TMX4: variants seen among roughly 807,000 people sequenced by gnomAD.
TMX4 encodes thioredoxin-related transmembrane protein 4.
A neutral mutation model predicts 33.3 loss-of-function variants in TMX4; 23 were observed. The ratio of observed to expected loss-of-function variants is 0.69; its 90% CI spans 0.50 to 0.98. The LOEUF is 0.98. Ranked by LOEUF, TMX4 falls within the 50% of genes least tolerant of loss-of-function variation. The pLI is 0.00. For synonymous variants in TMX4, 164 were observed against 161.5 expected (o/e 1.02, Z -0.12); for missense variants, 399 against 448.9 (o/e 0.89, Z 1.01).
At chr20:8,004,729 T>C (rs6055456) in intron 2 of TMX4, among the ~76,000 whole-genome samples, 2,414 of 152,334 alleles carry the variant, frequency 0.016, 76 homozygotes, top group African/African-American at 0.056. Flanking sequence ...AGGTTCAGTA[T>C]TAAGAAAACA....
At chr20:7,994,409 G>A (rs1308423368) in intron 5 of TMX4, among the ~76,000 whole-genome samples, 1 of 152,056 alleles carries the variant, frequency 6.6e-6, no homozygotes, top group African/African-American at 2.4e-5. Flanking sequence ...CCCACTCCTG[G>A]CCTTGACACA....
rs967426523 is a variant in TMX4 at position 7,977,785 on chromosome 20, T to C, written c.*4466A>G. 5 of 152,192 alleles carry C rather than the reference T, an allele frequency of 3.3e-5. No homozygotes were observed. The highest frequency in any genetic ancestry group is 1.2e-4 in the African/African-American group (5 of 41,444). 9.4% of individuals were successfully genotyped at this position (152,192 alleles called of 1,614,324 possible). On this transcript the variant is annotated 3_prime_UTR_variant, in exon 8 of 8. Transcript: ENST00000246024. ...TTTCCACAAAGAAGCTAATAACAAA[T>C]ACGATTAAACCACTTCAGAAACACG...
chr20:8,001,383 T>C, intron 3 of TMX4, 113 bp downstream of exon 3: 2 of 1,106,184 alleles, frequency 1.8e-6, no homozygotes, highest in Non-Finnish European at 2.6e-6. Context: ...CCAGCCTTGT[T>C]TCCCTCACAT....
rs539003791 is a variant in TMX4, at chr20:7,989,349, T to C, written c.514-1960A>G. 8.5e-5 allele frequency among the ~76,000 whole-genome samples: 13 copies of C among 152,336 alleles called. No individual in the cohort carries two copies. In the East Asian group the frequency reaches 2.5e-3, roughly 29 times the overall value. On this transcript the variant is annotated intron_variant, in intron 5 of 7. Coordinates refer to ENST00000246024, the MANE Select transcript of TMX4 (RefSeq NM_021156.4). ...ACTCATATGGTTAGGAAAAATAATG[T>C]GCAGTTTTAAGTCCTTCTATACAGT...
intron 1 of TMX4, among the ~76,000 whole-genome samples, chr20:8,012,698 T>G (rs118097175): frequency 4.7e-4 from 67 of 141,128 alleles, no homozygotes; most frequent in African/African-American, 1.3e-3. Flanking sequence ...GTAATTATGT[T>G]TCATAATTTA....
At chr20:7,984,677 A>G (rs181032117) in intron 6 of TMX4, among the ~76,000 whole-genome samples, 93 of 152,220 alleles carry the variant, frequency 6.1e-4, no homozygotes, top group African/African-American at 2.1e-3. Context: ...GATGGGGTAC[A>G]ATGTGATGTT....
chr20:7,986,048 G>A (rs1447477434), intron 6 of TMX4, among the ~76,000 whole-genome samples: 1 of 152,118 alleles, frequency 6.6e-6, no homozygotes, highest in Non-Finnish European at 1.5e-5. Context: ...TCACACTATG[G>A]TAGCCCCAAA....
chr20:8,000,777 A>G (rs1245951342), intron 3 of TMX4, among the ~76,000 whole-genome samples: 2 of 152,092 alleles, frequency 1.3e-5, no homozygotes, highest in African/African-American at 4.8e-5. Flanking sequence ...TGAACTCTGG[A>G]TCCTGACATC....
intron 2 of TMX4, 67 bp from the exon 3 acceptor site, chr20:8,001,608 C>T (rs2050707915): frequency 7.1e-7 from 1 of 1,399,452 alleles, no homozygotes; most frequent in Non-Finnish European, 9.8e-7. Context: ...CTTGAGCTTA[C>T]TTTCATAATC....
rs2122844514 is a variant in TMX4, at chr20:7,978,483, A to G, written c.*3768T>C. On this transcript the variant is annotated 3_prime_UTR_variant, in exon 8 of 8. Coordinates refer to ENST00000246024, the MANE Select transcript of TMX4 (RefSeq NM_021156.4). Reference sequence around the variant, plus strand: ...TTTTTACAGGATGCAGGTTCTGTAGACTGACATATTCCCAAATCATATTAG... The same window carrying G: ...TTTTTACAGGATGCAGGTTCTGTAGGCTGACATATTCCCAAATCATATTAG... The G allele has an allele frequency of 6.6e-6, 1 of 152,342 alleles. No individual in the cohort carries two copies. The highest frequency in any genetic ancestry group is 1.9e-4 in the East Asian group (1 of 5,184). The allele number at this position is 152,342 out of a possible 1,614,324, so 9.4% of individuals were successfully genotyped here.
chr20:7,982,468 T>G lies in TMX4; in HGVS notation c.833A>C (p.Glu278Ala), dbSNP rs748735762. ...EDLGDEDEAE[E>A]EEEEDNLAAG... ...AGCCAAGTTGTCCTCCTCCTCTTCT[T>G]CCTCTGCTTCATCCTCATCGCCAAG... The change falls in exon 8 of 8, where the codon GAA (glutamate) becomes GCA (alanine). Residue 278 changes from glutamate (E) to alanine (A), a missense_variant. Glu to Ala is a moderately radical substitution (Grantham distance 107). Transcript: ENST00000246024. 3 of 1,614,128 alleles carry G rather than the reference T, an allele frequency of 1.9e-6. No homozygotes were observed. The Admixed American group carries it at 5.0e-5, about 27-fold the overall frequency.
chr20:7,979,749 A>G lies in TMX4; in HGVS notation c.*2502T>C, dbSNP rs1002749252. 2 of 151,960 alleles carry G rather than the reference A, an allele frequency of 1.3e-5. No individual in the cohort carries two copies. The highest frequency in any genetic ancestry group is 2.1e-4 in the South Asian group (1 of 4,824). 9.4% of individuals were successfully genotyped at this position (151,960 alleles called of 1,614,324 possible). On this transcript the variant is annotated 3_prime_UTR_variant, in exon 8 of 8. Coordinates refer to ENST00000246024, the MANE Select transcript of TMX4 (RefSeq NM_021156.4). ...TGAAACTCCATCTCAAAAAAAAAAA[A>G]AAAAGAAAATACATTTTTCTTATTA...
chr20:8,006,144 A>G (rs1239600728), intron 2 of TMX4, among the ~76,000 whole-genome samples: 2 of 145,028 alleles, frequency 1.4e-5, no homozygotes, highest in Non-Finnish European at 3.0e-5. Context: ...GGAGCCCCAC[A>G]GCCTGCCCGT....
intron 2 of TMX4, among the ~76,000 whole-genome samples, chr20:8,005,802 T>C (rs779715050): frequency 1.3e-5 from 2 of 152,108 alleles, no homozygotes; most frequent in African/African-American, 2.4e-5. Context: ...GCCAGGGTAG[T>C]TGGAGGACAG....
intron 1 of TMX4, among the ~76,000 whole-genome samples, chr20:8,016,261 A>C (rs1487637692): frequency 3.9e-5 from 6 of 152,190 alleles, no homozygotes; most frequent in Non-Finnish European, 8.8e-5. Flanking sequence ...ATTCCCAGCT[A>C]CTTGGGAGGC....
At position 8,019,559 on chromosome 20, in the gene TMX4, C is replaced by G; in HGVS notation, c.55G>C (p.Ala19Pro). The G allele has an allele frequency of 7.0e-7, 1 of 1,435,460 alleles. No homozygotes were observed. Among genetic ancestry groups the G allele is most frequent in the Non-Finnish European group, 9.1e-7 (1 of 1,095,086 alleles). 88.9% of individuals were successfully genotyped at this position (1,435,460 alleles called of 1,614,324 possible). A position where few individuals can be genotyped will look rare whatever the true frequency, so the allele number is the denominator to read the frequency against. The stretch of plus-strand genomic sequence containing the variant: ...GGGCCTGCCGTCGCCGCCACAGCCG[C>G]GATCCAGGCGGCCAGGAGCGCCGTT... ...QLTALLAAWI[A>P]AVAATAGPEE... The change falls in exon 1 of 8, where the codon GCG becomes CCG. Residue 19 changes from alanine to proline, a missense_variant. Coordinates refer to ENST00000246024, the MANE Select transcript of TMX4 (RefSeq NM_021156.4).
At chr20:8,000,000 G>C (rs932304) in intron 3 of TMX4, 140 bp from the exon 4 acceptor site, 378,879 of 816,336 alleles carry the variant, frequency 0.46, 101,910 homozygotes, top group East Asian at 0.94. Flanking sequence ...TATACATAGA[G>C]ATAAATCAGA....
chr20:7,981,150 G>T lies in TMX4; in HGVS notation c.*1101C>A, dbSNP rs1044958569. The T allele has an allele frequency of 6.6e-6, 1 of 152,020 alleles. No homozygotes were observed. Among genetic ancestry groups the T allele is most frequent in the Non-Finnish European group, 1.5e-5 (1 of 68,004 alleles). 9.4% of individuals were successfully genotyped at this position (152,020 alleles called of 1,614,324 possible). A position where few individuals can be genotyped will look rare whatever the true frequency, so the allele number is the denominator to read the frequency against. The stretch of plus-strand genomic sequence containing the variant: ...TATAATTCTTTGGAAGATTACAGAA[G>T]ATGGAAACAAAATCAAATCTTTCAC... On this transcript the variant is annotated 3_prime_UTR_variant, in exon 8 of 8. Coordinates refer to ENST00000246024, the MANE Select transcript of TMX4 (RefSeq NM_021156.4).
intron 2 of TMX4, among the ~76,000 whole-genome samples, chr20:8,006,183 C>T (rs1049502982): frequency 6.6e-6 from 1 of 152,064 alleles, no homozygotes; most frequent in Admixed American, 6.6e-5. Flanking sequence ...GTTTGAGCAG[C>T]GGGCACAAAG....
Sources: allele counts gnomAD v4.1 joint callset (sites outside exome capture counted in the v4.1 genomes callset), GRCh38; gene constraint gnomAD v4.1.1; transcripts MANE v1.5; gene names NCBI Gene and HGNC (gene_info 2026-07-23, HGNC 2026-07-21).